Variants in UNC5C observed in about 807,000 individuals in gnomAD.
UNC5C encodes the protein netrin receptor UNC5C.
Under a neutral mutation model 99.8 loss-of-function variants are expected in UNC5C, and 47 were observed. That is an observed-to-expected ratio of 0.47 (90% CI 0.37 to 0.60). UNC5C has a LOEUF of 0.60. Ranked by LOEUF, UNC5C falls within the 20% of genes least tolerant of loss-of-function variation. The pLI is 0.00. For missense variants in UNC5C, 1,062 were observed against 1,165.9 expected (o/e 0.91, Z 1.30); for synonymous variants, 487 against 452.2 (o/e 1.08, Z -0.98).
At chr4:95,221,755 C>T (rs1003502600) in intron 7 of UNC5C, among the ~76,000 whole-genome samples, 1 of 152,136 alleles carries the variant, frequency 6.6e-6, no homozygotes, top group Non-Finnish European at 1.5e-5. Flanking sequence ...ACTTACTTCA[C>T]TTCTCTGTTG....
At chr4:95,373,301 T>A (rs369144946) in intron 1 of UNC5C, among the ~76,000 whole-genome samples, 65 of 152,298 alleles carry the variant, frequency 4.3e-4, no homozygotes, top group African/African-American at 1.4e-3. Flanking sequence ...GCTGACCCTC[T>A]TCTTATTCTA....
intron 12 of UNC5C, among the ~76,000 whole-genome samples, chr4:95,185,569 C>CTGAT (rs879855495): frequency 1.3e-5 from 2 of 152,156 alleles, no homozygotes; most frequent in East Asian, 3.9e-4. Context: ...TGTAGACAAA[C>CTGAT]TGATTGATAA....
rs373018154 is a variant in UNC5C, at chr4:95,219,081, C to A, written c.1533G>T (p.Glu511Asp). ...GGTTCTTCAGGCTGAGGGCTTCATTCTCCAACAACGACTGGGTCATCTGAG... is the reference window on the plus strand; with the variant it reads ...GGTTCTTCAGGCTGAGGGCTTCATTATCCAACAACGACTGGGTCATCTGAG... ...LSPQMTQSLLENEALSLKNQS... is the reference protein window; with the variant it reads ...LSPQMTQSLLDNEALSLKNQS... Residue 511 changes from glutamate to aspartate, a missense_variant, in exon 9 of 16, where the codon GAG becomes GAT. Around this residue, in one of 3 missense-constraint regions of UNC5C, gnomAD observed 810 missense variants for 854.5 expected, o/e 0.95. Transcript: ENST00000453304. The A allele has an allele frequency of 1.2e-6, 2 of 1,614,152 alleles. No individual in the cohort carries two copies. The highest frequency in any genetic ancestry group is 1.7e-6 in the Non-Finnish European group (2 of 1,180,016).
intron 1 of UNC5C, among the ~76,000 whole-genome samples, chr4:95,346,003 C>T (rs754489273): frequency 2.0e-5 from 3 of 151,416 alleles, no homozygotes; most frequent in East Asian, 1.9e-4. Context: ...TAATAAAGAT[C>T]GGAGCAGAAA....
intron 12 of UNC5C, among the ~76,000 whole-genome samples, chr4:95,188,510 C>T (rs954786194): frequency 2.0e-5 from 3 of 152,108 alleles, no homozygotes; most frequent in Admixed American, 6.5e-5. Flanking sequence ...CAAGCCTGCC[C>T]GAAAGGCTAA....
chr4:95,231,402 A>T (rs1224383770), intron 7 of UNC5C, among the ~76,000 whole-genome samples: 1 of 152,206 alleles, frequency 6.6e-6, no homozygotes, highest in Non-Finnish European at 1.5e-5. Context: ...CATTTATAAA[A>T]GCATTAAACA....
At chr4:95,315,751 T>C (rs1742452538) in intron 2 of UNC5C, among the ~76,000 whole-genome samples, 1 of 152,200 alleles carries the variant, frequency 6.6e-6, no homozygotes, top group African/African-American at 2.4e-5. Context: ...ATTTGCATGA[T>C]TAGCTATGTT....
chr4:95,436,142 G>T (rs1330859496), intron 1 of UNC5C, among the ~76,000 whole-genome samples: 1 of 151,192 alleles, frequency 6.6e-6, no homozygotes, highest in East Asian at 1.9e-4. Flanking sequence ...CATTTTCAGA[G>T]TTGGTAATAA....
chr4:95,376,806 T>C (rs2149440535), intron 1 of UNC5C, among the ~76,000 whole-genome samples: 1 of 152,332 alleles, frequency 6.6e-6, no homozygotes, highest in Non-Finnish European at 1.5e-5. Flanking sequence ...ATTTTATTGT[T>C]AAAAATTCAC....
intron 1 of UNC5C, among the ~76,000 whole-genome samples, chr4:95,394,838 A>C (rs984066893): frequency 8.5e-5 from 13 of 152,310 alleles, no homozygotes; most frequent in African/African-American, 2.6e-4. Context: ...ATAAAAAAAA[A>C]AATAACTTCA....
At chr4:95,491,027 T>G (rs147436123) in intron 1 of UNC5C, among the ~76,000 whole-genome samples, 119 of 151,744 alleles carry the variant, frequency 7.8e-4, no homozygotes, top group Non-Finnish European at 1.4e-3. Flanking sequence ...TTAATACATG[T>G]CTGTTGAATG....
intron 5 of UNC5C, among the ~76,000 whole-genome samples, chr4:95,246,814 C>G (rs923026741): frequency 3.3e-5 from 5 of 151,982 alleles, no homozygotes; most frequent in Admixed American, 2.0e-4. Context: ...AATCCCAGTA[C>G]TTTGGGAGGC....
intron 1 of UNC5C, among the ~76,000 whole-genome samples, chr4:95,358,729 A>G (rs548625536): frequency 6.6e-6 from 1 of 152,284 alleles, no homozygotes; most frequent in South Asian, 2.1e-4. Flanking sequence ...AGTTTCCTTT[A>G]AAGTTATTCA....
intron 1 of UNC5C, among the ~76,000 whole-genome samples, chr4:95,483,079 C>G (rs1721217245): frequency 1.3e-5 from 2 of 149,930 alleles, no homozygotes; most frequent in African/African-American, 4.9e-5. Flanking sequence ...AAAGTACCAG[C>G]CCATGACTAC....
intron 1 of UNC5C, among the ~76,000 whole-genome samples, chr4:95,443,785 T>C (rs1035590630): frequency 6.6e-6 from 1 of 152,158 alleles, no homozygotes; most frequent in Non-Finnish European, 1.5e-5. Context: ...TTATTCTTTA[T>C]TGAATTTCTG....
chr4:95,326,477 T>C (rs774358695), intron 2 of UNC5C, among the ~76,000 whole-genome samples: 1 of 152,148 alleles, frequency 6.6e-6, no homozygotes, highest in Admixed American at 6.6e-5. Context: ...CCACAAAATA[T>C]TGAGTAGATC....
chr4:95,322,991 A>G (rs755929461), intron 2 of UNC5C, among the ~76,000 whole-genome samples: 1 of 152,062 alleles, frequency 6.6e-6, no homozygotes, highest in Non-Finnish European at 1.5e-5. Context: ...TGATAATTTC[A>G]TATGAATTAT....
At chr4:95,332,522 A>G (rs1743156972) in intron 2 of UNC5C, among the ~76,000 whole-genome samples, 1 of 151,704 alleles carries the variant, frequency 6.6e-6, no homozygotes, top group Non-Finnish European at 1.5e-5. Flanking sequence ...AGCCATATGT[A>G]GAAAGCTGAA....
intron 2 of UNC5C, among the ~76,000 whole-genome samples, chr4:95,311,175 T>A (rs1224193596): frequency 1.3e-5 from 2 of 152,180 alleles, no homozygotes; most frequent in Non-Finnish European, 2.9e-5. Context: ...CTTTTTAACT[T>A]TGGTGATTAA....
Sources: gnomAD v4.1 joint callset for allele counts (sites outside exome capture counted in the v4.1 genomes callset) on GRCh38, gnomAD v4.1.1 for gene constraint, gnomAD v4.1.1 regional missense constraint, MANE v1.5 for transcripts, NCBI Gene and HGNC (gene_info 2026-07-23, HGNC 2026-07-21) for gene names.